The following ABTB2 variants were observed in gnomAD, a reference collection of about 807,000 sequenced individuals.
ABTB2 encodes the protein ankyrin repeat and BTB domain containing 2.
In ABTB2, 56 loss-of-function variants were observed where a neutral mutation model predicts 104.1. The ratio of observed to expected loss-of-function variants is 0.54; its 90% CI spans 0.43 to 0.67. The LOEUF (loss-of-function observed/expected upper bound fraction) is 0.67, where lower values mean the gene tolerates loss of function less well. Among genes scored for constraint, ABTB2 ranks in the 30% least tolerant of loss-of-function variants. The pLI is 0.00. For missense variants in ABTB2, 1,279 were observed against 1,407.7 expected, an observed-to-expected ratio of 0.91 and a Z score of 1.46; for synonymous variants, 606 against 608.2, an observed-to-expected ratio of 1.00 and a Z score of 0.05.
intron 1 of ABTB2, among the ~76,000 whole-genome samples, chr11:34,223,480 C>T (rs988618492): frequency 5.3e-5 from 8 of 152,184 alleles, no homozygotes; most frequent in South Asian, 4.1e-4. Context: ...TCATTAGGAG[C>T]GTAGGCTGCT....
chr11:34,157,214 C>T (rs1852640445), intron 14 of ABTB2, among the ~76,000 whole-genome samples: 2 of 152,216 alleles, frequency 1.3e-5, no homozygotes, highest in South Asian at 2.1e-4. Flanking sequence ...AAATGATGCC[C>T]TGGATATGGC....
intron 1 of ABTB2, among the ~76,000 whole-genome samples, chr11:34,232,871 G>T (rs543843391): frequency 6.6e-6 from 1 of 151,822 alleles, no homozygotes; most frequent in East Asian, 2.0e-4. Context: ...GAGGTGGGAG[G>T]ATCTCTTGAG....
At chr11:34,156,012 G>A (rs1852620282) in intron 14 of ABTB2, among the ~76,000 whole-genome samples, 1 of 152,184 alleles carries the variant, frequency 6.6e-6, no homozygotes, top group African/African-American at 2.4e-5. Flanking sequence ...CACCAGGCAG[G>A]CAGGTCAGAT....
intron 1 of ABTB2, among the ~76,000 whole-genome samples, chr11:34,216,414 A>G (rs1853549624): frequency 6.6e-6 from 1 of 152,168 alleles, no homozygotes; most frequent in Non-Finnish European, 1.5e-5. Flanking sequence ...AGTTGGAATC[A>G]TACTATACAT....
At chr11:34,275,691 G>T (rs1210074679) in intron 1 of ABTB2, among the ~76,000 whole-genome samples, 1 of 152,158 alleles carries the variant, frequency 6.6e-6, no homozygotes, top group Admixed American at 6.5e-5. Flanking sequence ...TTCACTAGCT[G>T]GTCTGACCAG....
At chr11:34,338,802 T>G (rs993718347) in intron 1 of ABTB2, among the ~76,000 whole-genome samples, 1 of 152,206 alleles carries the variant, frequency 6.6e-6, no homozygotes, top group African/African-American at 2.4e-5. Flanking sequence ...TTTTCAAAAC[T>G]TATTTATTAC....
At chr11:34,234,962 A>C (rs1001307174) in intron 1 of ABTB2, among the ~76,000 whole-genome samples, 1 of 152,104 alleles carries the variant, frequency 6.6e-6, no homozygotes, top group Non-Finnish European at 1.5e-5. Context: ...GGTTCACGCC[A>C]TTCTCCTGCC....
chr11:34,301,762 T>C (rs1311840316), intron 1 of ABTB2, among the ~76,000 whole-genome samples: 1 of 152,234 alleles, frequency 6.6e-6, no homozygotes, highest in Non-Finnish European at 1.5e-5. Flanking sequence ...GGCGGGAGGA[T>C]GGCTTGAGCC....
Position 34,277,167 on chromosome 11 carries a change from G to T in ABTB2, c.884-72477C>A, listed in dbSNP as rs932780943. 2.0e-5 allele frequency among the ~76,000 whole-genome samples: 3 copies of T among 152,192 alleles called. No individual in the cohort carries two copies. The East Asian group carries it at 5.8e-4, about 29-fold the overall frequency. On this transcript the variant is annotated intron_variant, in intron 1 of 16. Transcript: ENST00000435224. ...CCTACCCGACTCAGCCTCTCAAAGT[G>T]CTGGGATTACAGGCGTAAGCCACCG...
intron 1 of ABTB2, among the ~76,000 whole-genome samples, chr11:34,229,399 T>A (rs924992022): frequency 6.9e-6 from 1 of 145,968 alleles, no homozygotes; most frequent in Non-Finnish European, 1.5e-5. Flanking sequence ...GAGAATGGCG[T>A]GAACCCGGGA....
intron 2 of ABTB2, 101 bp downstream of exon 2, chr11:34,204,443 G>C: frequency 1.4e-6 from 2 of 1,415,310 alleles, no homozygotes; most frequent in Admixed American, 4.9e-5. Flanking sequence ...GAGGAGGCCA[G>C]AGCACTTGGA....
intron 1 of ABTB2, among the ~76,000 whole-genome samples, chr11:34,286,178 C>G (rs1854502003): frequency 6.6e-6 from 1 of 151,510 alleles, no homozygotes; most frequent in African/African-American, 2.4e-5. Flanking sequence ...AAATTTTAGG[C>G]TGGATGTGGT....
At chr11:34,172,395 A>ATATATAT (rs1264243637) in intron 4 of ABTB2, among the ~76,000 whole-genome samples, 4 of 29,052 alleles carry the variant, frequency 1.4e-4, no homozygotes, top group African/African-American at 2.9e-4. Context: ...AAAAAAAAAA[A>ATATATAT]ATATATATAT....
intron 1 of ABTB2, among the ~76,000 whole-genome samples, chr11:34,258,533 T>C (rs1378902411): frequency 6.6e-6 from 1 of 151,958 alleles, no homozygotes; most frequent in East Asian, 1.9e-4. Context: ...AGGAATTGCC[T>C]CTTAGAGTTG....
At chr11:34,309,785 CAG>C (rs915479576) in intron 1 of ABTB2, among the ~76,000 whole-genome samples, 1 of 150,228 alleles carries the variant, frequency 6.7e-6, no homozygotes, top group Non-Finnish European at 1.5e-5. Context: ...AAGAGGTGAT[CAG>C]AGTCAAAAAA....
chr11:34,339,414 C>T (rs1369217848), intron 1 of ABTB2, among the ~76,000 whole-genome samples: 3 of 152,174 alleles, frequency 2.0e-5, no homozygotes, highest in African/African-American at 7.2e-5. Context: ...AAGGCGACCA[C>T]AGCACAGATA....
chr11:34,189,483 C>A (rs1183983229), intron 3 of ABTB2, among the ~76,000 whole-genome samples: 1 of 152,042 alleles, frequency 6.6e-6, no homozygotes, highest in Non-Finnish European at 1.5e-5. Context: ...GGCCAACAGT[C>A]CCAGCTACTC....
intron 1 of ABTB2, among the ~76,000 whole-genome samples, chr11:34,343,544 C>T (rs570481503): frequency 2.1e-4 from 32 of 151,992 alleles, no homozygotes; most frequent in Admixed American, 1.9e-3. Flanking sequence ...GTGTGATCTG[C>T]GCTCACTGCA....
intron 14 of ABTB2, among the ~76,000 whole-genome samples, chr11:34,158,887 C>T (rs1453568644): frequency 6.6e-6 from 1 of 152,212 alleles, no homozygotes; most frequent in East Asian, 1.9e-4. Context: ...AGCACATGGC[C>T]ACCTGGGGAG....
Sources: allele counts gnomAD v4.1 joint callset (sites outside exome capture counted in the v4.1 genomes callset), GRCh38; gene constraint gnomAD v4.1.1; transcripts MANE v1.5; gene names NCBI Gene and HGNC (gene_info 2026-07-23, HGNC 2026-07-21).